The following PNPLA6 variants were observed in gnomAD, a reference collection of about 807,000 sequenced individuals.
PNPLA6 encodes patatin like domain 6, lysophospholipase.
Under a neutral mutation model 153.7 loss-of-function variants are expected in PNPLA6, and 105 were observed. The observed-to-expected ratio is 0.68, with a 90% CI of 0.58 to 0.80. The LOEUF (loss-of-function observed/expected upper bound fraction) is 0.80, where lower values mean the gene tolerates loss of function less well. Among genes scored for constraint, PNPLA6 ranks in the 30% least tolerant of loss-of-function variants. The probability of loss-of-function intolerance (pLI) is 0.00; values close to 1 mark genes in which losing one functional copy is unlikely to be tolerated. For missense variants in PNPLA6, 1,423 were observed against 1,919.3 expected, an observed-to-expected ratio of 0.74 and a Z score of 4.83; for synonymous variants, 825 against 822.2, an observed-to-expected ratio of 1.00 and a Z score of -0.06.
intron 13 of PNPLA6, among the ~76,000 whole-genome samples, chr19:7,545,947 CTTAGTGGTCCCTGCCCTTGGGCA>C (rs1468621482): frequency 1.9e-4 from 28 of 151,280 alleles, no homozygotes; most frequent in Admixed American, 6.6e-5. Context: ...AGGGAAAACC[CTTAGTGGTCCCTGCCCTTGGGCA>C]GCCCACCGTA....
In PNPLA6 at chr19:7,557,304, ACCCGCACACGCAAGCACCTCCCGCAC is replaced by A; in HGVS notation, c.3397+22_3397+47del. 6.8e-7 allele frequency: 1 copy of A among 1,459,944 alleles called. No homozygotes were observed. Among genetic ancestry groups the A allele is most frequent in the Non-Finnish European group, 9.6e-7 (1 of 1,043,502 alleles). 90.4% of individuals were successfully genotyped at this position (1,459,944 alleles called of 1,614,324 possible). A position where few individuals can be genotyped will look rare whatever the true frequency, so the allele number is the denominator to read the frequency against. On this transcript the variant is annotated intron_variant, in intron 27 of 31. Transcript: ENST00000600737. ...TGCCAGGCAAGTGGCCGCCCGCACC[ACCCGCACACGCAAGCACCTCCCGCAC>A]CACACACACGCACACGCGTGGGCAC...
Position 7,554,722 on chromosome 19 carries a change from A to G in PNPLA6, c.2633A>G (p.Gln878Arg). 6.2e-7 allele frequency: 1 copy of G among 1,612,164 alleles called. No homozygotes were observed. The highest frequency in any genetic ancestry group is 1.1e-5 in the South Asian group (1 of 91,062). ...GLGDQEPTLG[Q>R]LEQMLENTAV... ...GGGGACCAGGAGCCTACCCTCGGCC[A>G]GGTCGGAAGCCCGTGCCCCCTGATC... Residue 878 changes from glutamine to arginine, a missense_variant and splice_region_variant, in exon 21 of 32, where the codon CAG becomes CGG. Transcript: ENST00000600737.
chr19:7,560,535 A>C (rs1302779979), intron 28 of PNPLA6, 113 bp from the exon 29 acceptor site: 3 of 786,470 alleles, frequency 3.8e-6, no homozygotes, highest in Non-Finnish European at 6.8e-6. Context: ...GTTTAGTCTC[A>C]AATGCAACTC....
rs922064919 is a variant in PNPLA6 at position 7,551,276 on chromosome 19, C to T, written c.2185-86C>T. The T allele has an allele frequency of 2.9e-6, 4 of 1,391,426 alleles. No homozygotes were observed. The African/African-American group carries it at 5.7e-5, about 20-fold the overall frequency. 86.2% of individuals were successfully genotyped at this position (1,391,426 alleles called of 1,614,324 possible). A position where few individuals can be genotyped will look rare whatever the true frequency, so the allele number is the denominator to read the frequency against. ...GGGTGGGACCCAGGTAACGGGCACC[C>T]AGGAGCCCCGGCATAGGAGGGAGAG... On this transcript the variant is annotated intron_variant, in intron 17 of 31. Coordinates refer to ENST00000600737, the MANE Select transcript of PNPLA6 (RefSeq NM_001166114.2).
upstream of PNPLA6, chr19:7,535,308 TCTC>T: frequency 1.7e-6 from 1 of 604,524 alleles, no homozygotes; most frequent in Non-Finnish European, 3.0e-6. This position sits in a 1 kb window ranked among gnomAD's most constrained non-coding sequence, Gnocchi z 5.0. Flanking sequence ...ACCCGCCTCA[TCTC>T]CTGGCCAGGG....
In PNPLA6 at chr19:7,550,309, C is replaced by T; in HGVS notation, c.1826C>T (p.Ala609Val). ...SKSDFYEIMRAQPSVVLSAAH... is the reference protein window; with the variant it reads ...SKSDFYEIMRVQPSVVLSAAH... ...GTCTGTTCCTGCAGGATCATGCGCG[C>T]ACAGCCCAGTGTGGTGCTGAGTGCG... is the stretch of plus-strand genomic sequence containing the variant. The change falls in exon 15 of 32, where the codon GCA (alanine) becomes GTA (valine). Residue 609 changes from alanine to valine, a missense_variant. Coordinates refer to ENST00000600737, the MANE Select transcript of PNPLA6 (RefSeq NM_001166114.2). 6.2e-7 allele frequency: 1 copy of T among 1,612,910 alleles called. No homozygotes were observed. Among genetic ancestry groups the T allele is most frequent in the Non-Finnish European group, 8.5e-7 (1 of 1,180,048 alleles).
At position 7,557,299 on chromosome 19, in the gene PNPLA6, G is replaced by A. The variant is rs375142057; in HGVS notation, c.3397+15G>A. On this transcript the variant is annotated intron_variant, in intron 27 of 31. Coordinates refer to ENST00000600737, the MANE Select transcript of PNPLA6 (RefSeq NM_001166114.2). ...CAATCTGCCAGGCAAGTGGCCGCCC[G>A]CACCACCCGCACACGCAAGCACCTC... is the stretch of plus-strand genomic sequence containing the variant. 8 of 1,466,980 alleles carry A rather than the reference G, an allele frequency of 5.5e-6. No homozygotes were observed. In the African/African-American group the frequency reaches 8.3e-5, roughly 15 times the overall value. 90.9% of individuals were successfully genotyped at this position (1,466,980 alleles called of 1,614,324 possible).
Position 7,540,813 on chromosome 19 carries a change from TA to T in PNPLA6, c.795+104del. ...GGTCCCCAATCTCTGGTTCATCCGT[TA>T]TGCTGCCGATGGCCCCTCACGGGAC... On this transcript the variant is annotated intron_variant, in intron 6 of 31. Coordinates refer to ENST00000600737, the MANE Select transcript of PNPLA6 (RefSeq NM_001166114.2). The surrounding 1 kb of genome is among the most constrained non-coding windows in gnomAD (Gnocchi z 6.8). 6.4e-7 allele frequency: 1 copy of T among 1,563,632 alleles called. No homozygotes were observed.
Position 7,541,805 on chromosome 19 carries a change from A to G in PNPLA6, c.1168+121A>G, listed in dbSNP as rs2023157630. 1.6e-6 allele frequency: 2 copies of G among 1,220,944 alleles called. No individual in the cohort carries two copies. The highest frequency in any genetic ancestry group is 1.2e-6 in the Non-Finnish European group (1 of 860,380). 75.6% of individuals were successfully genotyped at this position (1,220,944 alleles called of 1,614,324 possible). On this transcript the variant is annotated intron_variant, in intron 9 of 31. Transcript: ENST00000600737. This position sits in a 1 kb window ranked among gnomAD's most constrained non-coding sequence, Gnocchi z 5.2. ...CCTTGTCCAGCCCCACAGGGACTCC[A>G]TAGCGGGGTACCCAGGTCTGACTCC...
chr19:7,548,845 C>G (rs888959750), intron 13 of PNPLA6, among the ~76,000 whole-genome samples: 2 of 149,660 alleles, frequency 1.3e-5, no homozygotes, highest in Non-Finnish European at 3.0e-5. Context: ...CTCAGTCGCC[C>G]AGGCTGGAGT....
intron 27 of PNPLA6, among the ~76,000 whole-genome samples, chr19:7,557,955 TTCTC>T (rs1046457372): frequency 1.2e-4 from 18 of 152,280 alleles, no homozygotes; most frequent in African/African-American, 3.1e-4. Context: ...TGCACATGCT[TTCTC>T]TCAGGGGCAG....
Position 7,560,984 on chromosome 19 carries a change from C to T in PNPLA6, c.3817-30C>T, listed in dbSNP as rs564259067. ...GGGCCCCAAGACTCTGTGGGCCCCC[C>T]CTAAGAGCCTCACCAGTGTCACCCC... On this transcript the variant is annotated intron_variant, in intron 29 of 31. Transcript: ENST00000600737. 1.1e-5 allele frequency: 17 copies of T among 1,502,488 alleles called. 1 individual carries two copies. The South Asian group carries it at 1.6e-4, about 15-fold the overall frequency. The allele number at this position is 1,502,488 out of a possible 1,614,324, so 93.1% of individuals were successfully genotyped here. A position where few individuals can be genotyped will look rare whatever the true frequency, so the allele number is the denominator to read the frequency against.
Position 7,558,862 on chromosome 19 carries a change from G to A in PNPLA6, c.3410G>A (p.Arg1137His), listed in dbSNP as rs777358859. Residue 1137 changes from arginine to histidine, a missense_variant, in exon 28 of 32, where the codon CGC becomes CAC. Arg to His is a conservative substitution (Grantham distance 29). Transcript: ENST00000600737. ...YINNLPADIA[R>H]SMGAKTVIAI... is the part of the protein sequence containing the mutation. ...CCTGGCCCCACAGCGGACATCGCCC[G>A]CAGCATGGGTGCCAAAACGGTCATC... 1.7e-5 allele frequency: 28 copies of A among 1,609,396 alleles called. No individual in the cohort carries two copies. The highest frequency in any genetic ancestry group is 4.5e-5 in the East Asian group (2 of 44,872).
At chr19:7,539,672 G>A (rs1201672441) in intron 3 of PNPLA6, among the ~76,000 whole-genome samples, 5 of 150,542 alleles carry the variant, frequency 3.3e-5, no homozygotes, top group African/African-American at 4.9e-5. Context: ...CAGGAGAATC[G>A]CTTGAACCCT....
At position 7,543,067 on chromosome 19, in the gene PNPLA6, G is replaced by T. The variant is rs1487786926; in HGVS notation, c.1591G>T (p.Ala531Ser). Residue 531 changes from alanine (A) to serine (S), a missense_variant, in exon 13 of 32, where the codon GCC becomes TCC. By Grantham distance (99) the Ala-to-Ser change is moderately conservative. This residue lies in a region of PNPLA6 where 119 missense variants were observed against 163.7 expected (regional missense o/e 0.73). Coordinates refer to ENST00000600737, the MANE Select transcript of PNPLA6 (RefSeq NM_001166114.2). ...CCACGCCAAAGCTGGCACCATCATT[G>T]CCCGCCAGGGAGACCAGGTGAGGCT... ...LHHAKAGTII[A>S]RQGDQDVSLH... 6.2e-7 allele frequency: 1 copy of T among 1,613,872 alleles called. No homozygotes were observed. The highest frequency in any genetic ancestry group is 8.5e-7 in the Non-Finnish European group (1 of 1,179,988).
intron 3 of PNPLA6, among the ~76,000 whole-genome samples, chr19:7,537,009 C>T (rs767086438): frequency 6.6e-6 from 1 of 151,524 alleles, no homozygotes; most frequent in African/African-American, 2.4e-5. Flanking sequence ...GGACTCTCCT[C>T]TCAGAGCTCT....
In PNPLA6 at chr19:7,552,410, C is replaced by G. The variant is rs867497782; in HGVS notation, c.2260+973C>G. ...GGTTCTACCCAATTGGCCCTGAGCC[C>G]TAGATCCCCCAAGGCGGGGGCAGGG... On this transcript the variant is annotated intron_variant, in intron 18 of 31. Transcript: ENST00000600737. Among the ~76,000 whole-genome samples the G allele has an allele frequency of 7.2e-5, 11 of 152,318 alleles. No individual in the cohort carries two copies. In the South Asian group the frequency reaches 8.3e-4, roughly 11 times the overall value.
At position 7,555,967 on chromosome 19, in the gene PNPLA6, AC is replaced by A. The variant is rs1186059753; in HGVS notation, c.3093+207del. ...TGGGACCTCCTGTCTACTGACCCTA[AC>A]CCATAACCCCCAACGAGAGCACCCA... On this transcript the variant is annotated intron_variant, in intron 24 of 31. Coordinates refer to ENST00000600737, the MANE Select transcript of PNPLA6 (RefSeq NM_001166114.2). This position sits in a 1 kb window ranked among gnomAD's most constrained non-coding sequence, Gnocchi z 6.3. Among the ~76,000 whole-genome samples the A allele has an allele frequency of 3.3e-5, 5 of 150,018 alleles. No homozygotes were observed. The highest frequency in any genetic ancestry group is 7.4e-5 in the Non-Finnish European group (5 of 67,660).
In PNPLA6 at chr19:7,541,939, C is replaced by A; in HGVS notation, c.1169-45C>A. ...CTTATCTCCCAACCTGCTAATCCTCCTAGTGGCTCTGAGGGGCAGGAGCCT... is the reference window on the plus strand; with the variant it reads ...CTTATCTCCCAACCTGCTAATCCTCATAGTGGCTCTGAGGGGCAGGAGCCT... On this transcript the variant is annotated intron_variant, in intron 9 of 31. Coordinates refer to ENST00000600737, the MANE Select transcript of PNPLA6 (RefSeq NM_001166114.2). The surrounding 1 kb of genome is among the most constrained non-coding windows in gnomAD (Gnocchi z 5.2). 6.6e-7 allele frequency: 1 copy of A among 1,504,602 alleles called. No individual in the cohort carries two copies. The highest frequency in any genetic ancestry group is 9.2e-7 in the Non-Finnish European group (1 of 1,087,374). 93.2% of individuals were successfully genotyped at this position (1,504,602 alleles called of 1,614,324 possible).
Sources: gnomAD v4.1 joint callset for allele counts (sites outside exome capture counted in the v4.1 genomes callset) on GRCh38, gnomAD v4.1.1 for gene constraint, gnomAD v4.1.1 regional missense constraint, Gnocchi (gnomAD v3.1) non-coding constraint, MANE v1.5 for transcripts, NCBI Gene and HGNC (gene_info 2026-07-23, HGNC 2026-07-21) for gene names.